The following CADM2 variants were observed in gnomAD, a reference collection of about 807,000 sequenced individuals.
CADM2 encodes the protein cell adhesion molecule 2, also known as immunoglobulin superfamily member 4D.
CADM2 carries 12 observed loss-of-function variants against 49.8 expected under a neutral mutation model. The ratio of observed to expected loss-of-function variants is 0.24; its 90% CI spans 0.15 to 0.39. The LOEUF is 0.39. CADM2 is among the 10% of genes least tolerant of loss of function. The probability of loss-of-function intolerance (pLI) is 1.00; values close to 1 mark genes in which losing one functional copy is unlikely to be tolerated. For missense variants in CADM2, 378 were observed against 492.3 expected (o/e 0.77, Z 2.20); for synonymous variants, 214 against 175.4 (o/e 1.22, Z -1.74).
rs76331634 is a variant in CADM2, at chr3:86,070,764, C to A, written c.*3981C>A. 6.6e-6 allele frequency: 1 copy of A among 151,776 alleles called. No individual in the cohort carries two copies. Among genetic ancestry groups the A allele is most frequent in the South Asian group, 2.1e-4 (1 of 4,832 alleles). The allele number at this position is 151,776 out of a possible 1,614,324, so 9.4% of individuals were successfully genotyped here. ...GCAAAATATAGGTAACTACAGTGTA[C>A]GTACATGTAAGTATCTTGTACTTGC... On this transcript the variant is annotated 3_prime_UTR_variant, in exon 10 of 10. Coordinates refer to ENST00000383699, the MANE Select transcript of CADM2 (RefSeq NM_001167675.2).
chr3:85,843,437 A>AT (rs2074730634), intron 3 of CADM2, among the ~76,000 whole-genome samples: 2 of 151,804 alleles, frequency 1.3e-5, no homozygotes, highest in South Asian at 4.1e-4. Flanking sequence ...ACAATAGGAT[A>AT]TATGGTGATT....
intron 9 of CADM2, among the ~76,000 whole-genome samples, 163 bp downstream of exon 9, chr3:86,065,893 A>C (rs1462557097): frequency 1.3e-5 from 2 of 152,156 alleles, no homozygotes; most frequent in African/African-American, 2.4e-5. Context: ...ATTTTACTTA[A>C]ATTTAAAGTT....
intron 1 of CADM2, among the ~76,000 whole-genome samples, chr3:85,547,397 G>A (rs139728824): frequency 1.2e-4 from 19 of 152,222 alleles, no homozygotes; most frequent in African/African-American, 4.6e-4. Context: ...TAAATCAGAG[G>A]CTAAGCTGTA....
intron 1 of CADM2, among the ~76,000 whole-genome samples, chr3:85,320,304 C>A (rs1232166118): frequency 6.6e-6 from 1 of 152,156 alleles, no homozygotes; most frequent in East Asian, 1.9e-4. Flanking sequence ...AAATACTGAT[C>A]AAGTCAACTA....
intron 1 of CADM2, among the ~76,000 whole-genome samples, chr3:85,353,135 T>C (rs181773079): frequency 6.6e-6 from 1 of 152,246 alleles, no homozygotes; most frequent in African/African-American, 2.4e-5. Flanking sequence ...TTTTCTTATT[T>C]TTTTATGCCT....
chr3:84,987,732 G>T (rs1361982374), intron 1 of CADM2, among the ~76,000 whole-genome samples: 1 of 152,128 alleles, frequency 6.6e-6, no homozygotes, highest in Admixed American at 6.5e-5. Flanking sequence ...AAAAACTATG[G>T]TGTATATAGA....
intron 1 of CADM2, among the ~76,000 whole-genome samples, chr3:85,056,752 T>C (rs2036093849): frequency 6.6e-6 from 1 of 152,154 alleles, no homozygotes; most frequent in Non-Finnish European, 1.5e-5. Context: ...TTTTAATTAC[T>C]TCTCATCTTC....
intron 1 of CADM2, among the ~76,000 whole-genome samples, chr3:85,436,838 A>G (rs936279490): frequency 6.6e-6 from 1 of 152,206 alleles, no homozygotes; most frequent in African/African-American, 2.4e-5. Context: ...AAATTGATGA[A>G]CCTACATTGA....
chr3:85,611,923 GCC>G (rs1259718951), intron 1 of CADM2, among the ~76,000 whole-genome samples: 1 of 151,696 alleles, frequency 6.6e-6, no homozygotes, highest in Non-Finnish European at 1.5e-5. Flanking sequence ...TAGAGAAGAG[GCC>G]CTAAGTTTGG....
At chr3:85,652,008 G>T (rs1335119306) in intron 1 of CADM2, among the ~76,000 whole-genome samples, 7 of 46,148 alleles carry the variant, frequency 1.5e-4, no homozygotes, top group African/African-American at 5.3e-4. Flanking sequence ...AATTAGAGAC[G>T]GGTTTTCACC....
chr3:86,035,768 A>G (rs916132952), intron 8 of CADM2, among the ~76,000 whole-genome samples: 2 of 152,050 alleles, frequency 1.3e-5, no homozygotes, highest in African/African-American at 4.8e-5. Context: ...TTCCTAACTT[A>G]CCATTCTTTG....
chr3:85,748,037 TTATAA>T lies in CADM2; in HGVS notation c.88+21495_88+21499del, dbSNP rs1213726929. Among the ~76,000 whole-genome samples, 4 of 152,258 alleles carry T rather than the reference TTATAA, an allele frequency of 2.6e-5. No homozygotes were observed. The East Asian group carries it at 7.7e-4, about 29-fold the overall frequency. On this transcript the variant is annotated intron_variant, in intron 2 of 9. Coordinates refer to ENST00000383699, the MANE Select transcript of CADM2 (RefSeq NM_001167675.2). ...AATATGGTTCATTTTTAACATTTTATTATAATATAAAACATCCTTTCAATATGTTT... is the reference window on the plus strand; with the variant it reads ...AATATGGTTCATTTTTAACATTTTATTATAAAACATCCTTTCAATATGTTT...
At chr3:85,309,613 G>A (rs1296312839) in intron 1 of CADM2, among the ~76,000 whole-genome samples, 1 of 151,896 alleles carries the variant, frequency 6.6e-6, no homozygotes, top group Non-Finnish European at 1.5e-5. Flanking sequence ...GTTATTATAA[G>A]GGTTTCTAAC....
At chr3:85,369,338 A>G (rs931569102) in intron 1 of CADM2, among the ~76,000 whole-genome samples, 1 of 152,240 alleles carries the variant, frequency 6.6e-6, no homozygotes, top group Non-Finnish European at 1.5e-5. Flanking sequence ...GTGGTCCCAG[A>G]AGATTATAAT....
chr3:85,334,192 C>G (rs1483966717), intron 1 of CADM2, among the ~76,000 whole-genome samples: 57 of 151,600 alleles, frequency 3.8e-4, no homozygotes, highest in East Asian at 3.9e-4. Flanking sequence ...AATCAAATCT[C>G]TCCTGGAGCA....
intron 1 of CADM2, among the ~76,000 whole-genome samples, chr3:85,479,211 C>A (rs951507532): frequency 6.6e-6 from 1 of 151,798 alleles, no homozygotes; most frequent in Non-Finnish European, 1.5e-5. Flanking sequence ...CTCCCGAGTA[C>A]CAGGGTACAA....
chr3:85,374,915 G>A (rs1251730085), intron 1 of CADM2, among the ~76,000 whole-genome samples: 3 of 151,990 alleles, frequency 2.0e-5, no homozygotes, highest in Admixed American at 2.0e-4. Context: ...GGGACACAGC[G>A]AAACCATATC....
chr3:85,857,261 A>G (rs1164771318), intron 3 of CADM2, among the ~76,000 whole-genome samples: 1 of 152,170 alleles, frequency 6.6e-6, no homozygotes, highest in Non-Finnish European at 1.5e-5. Flanking sequence ...GCTTTTGGAC[A>G]GAATGAAACA....
At chr3:85,316,803 A>G (rs2044475244) in intron 1 of CADM2, among the ~76,000 whole-genome samples, 1 of 152,212 alleles carries the variant, frequency 6.6e-6, no homozygotes, top group Non-Finnish European at 1.5e-5. Flanking sequence ...GAGATAAAAT[A>G]TAGCAACTAT....
Sources: allele counts gnomAD v4.1 joint callset (sites outside exome capture counted in the v4.1 genomes callset), GRCh38; gene constraint gnomAD v4.1.1; transcripts MANE v1.5; gene names NCBI Gene and HGNC (gene_info 2026-07-23, HGNC 2026-07-21).